The following C3orf20 variants were observed in gnomAD, a reference collection of about 807,000 sequenced individuals.
C3orf20 encodes family with sequence similarity 149 member C.
C3orf20 carries 76 observed loss-of-function variants against 88.3 expected under a neutral mutation model. That is an observed-to-expected ratio of 0.86 (90% confidence interval 0.72 to 1.04). The LOEUF (loss-of-function observed/expected upper bound fraction) is 1.04. C3orf20 is among the 50% of genes least tolerant of loss of function. C3orf20 has a pLI of 0.00. For synonymous variants in C3orf20, 436 were observed against 437.4 expected, an observed-to-expected ratio of 1.00 and a Z score of 0.04; for missense variants, 1,056 against 1,123.3, an observed-to-expected ratio of 0.94 and a Z score of 0.86.
chr3:14,726,593 C>T (rs1364298680), intron 10 of C3orf20, among the ~76,000 whole-genome samples: 2 of 152,266 alleles, frequency 1.3e-5, no homozygotes, highest in Non-Finnish European at 2.9e-5. Flanking sequence ...GGCTCAAACA[C>T]AGCTGTCACT....
rs1482900349 is a variant in C3orf20 at position 14,772,567 on chromosome 3, G to A, written c.2631-224G>A. ...TAACCATGAAATGAATCACACATTC[G>A]GCATGGCGTGGAAATCACATATTTC... On this transcript the variant is annotated intron_variant, in intron 16 of 16. Coordinates refer to ENST00000253697, the MANE Select transcript of C3orf20 (RefSeq NM_032137.5). The surrounding 1 kb of genome is among the most constrained non-coding windows in gnomAD (Gnocchi z 4.2). Among the ~76,000 whole-genome samples, 2 of 152,216 alleles carry A rather than the reference G, an allele frequency of 1.3e-5. No individual in the cohort carries two copies. The highest frequency in any genetic ancestry group is 1.9e-4 in the East Asian group (1 of 5,194).
intron 10 of C3orf20, among the ~76,000 whole-genome samples, chr3:14,725,727 A>G (rs2034323319): frequency 6.6e-6 from 1 of 152,326 alleles, no homozygotes; most frequent in East Asian, 1.9e-4. Flanking sequence ...GAAATCTGAT[A>G]CTGCCCACCC....
intron 14 of C3orf20, among the ~76,000 whole-genome samples, chr3:14,761,219 C>A (rs1489041876): frequency 7.0e-6 from 1 of 143,646 alleles, no homozygotes; most frequent in Non-Finnish European, 1.5e-5. Flanking sequence ...TGAGCCAAAC[C>A]CCTGACCAGG....
At chr3:14,703,086 C>T (rs1166139421) in intron 5 of C3orf20, 44 bp from the exon 6 acceptor site, 1 of 1,607,214 alleles carries the variant, frequency 6.2e-7, no homozygotes, top group Admixed American at 1.7e-5. Context: ...GGTGGGTTCC[C>T]ATGGTCTTGG....
chr3:14,772,688 T>A lies in C3orf20; in HGVS notation c.2631-103T>A. The A allele has an allele frequency of 1.1e-6, 1 of 882,132 alleles. No individual in the cohort carries two copies. The highest frequency in any genetic ancestry group is 1.5e-5 in the South Asian group (1 of 67,956). The allele number at this position is 882,132 out of a possible 1,614,324, so 54.6% of individuals were successfully genotyped here. On this transcript the variant is annotated intron_variant, in intron 16 of 16. Transcript: ENST00000253697. This position sits in a 1 kb window ranked among gnomAD's most constrained non-coding sequence, Gnocchi z 4.2. ...GAACAGCACCCAACAGCCTCACCTG[T>A]GCAAGGGAGAGGGCCTTGCCCCTCC... is the stretch of plus-strand genomic sequence containing the variant.
intron 15 of C3orf20, among the ~76,000 whole-genome samples, chr3:14,762,488 T>C (rs1268188154): frequency 6.6e-6 from 1 of 152,220 alleles, no homozygotes; most frequent in Non-Finnish European, 1.5e-5. Context: ...GGCAGCACGG[T>C]GCAGTGAGAC....
chr3:14,697,423 T>G (rs546286214), intron 5 of C3orf20, among the ~76,000 whole-genome samples: 1 of 152,220 alleles, frequency 6.6e-6, no homozygotes, highest in South Asian at 2.1e-4. Flanking sequence ...AGCTCACTAA[T>G]TCTTTCTTCT....
chr3:14,684,262 A>G lies in C3orf20; in HGVS notation c.505A>G (p.Ile169Val). 1 of 1,614,116 alleles carries G rather than the reference A, an allele frequency of 6.2e-7. No homozygotes were observed. The highest frequency in any genetic ancestry group is 2.2e-5 in the East Asian group (1 of 44,876). ...SMSVGANPLDITRRFVEASQL... is the reference protein window; with the variant it reads ...SMSVGANPLDVTRRFVEASQL... ...TTTAGTGGGTGCCAACCCCTTGGACATCACCAGGCGCTTTGTGGAGGCCAG... is the reference window on the plus strand; with the variant it reads ...TTTAGTGGGTGCCAACCCCTTGGACGTCACCAGGCGCTTTGTGGAGGCCAG... Residue 169 changes from isoleucine (I) to valine (V), a missense_variant, in exon 4 of 17, where the codon ATC becomes GTC. Physicochemically the swap from Ile to Val is conservative, Grantham distance 29. Coordinates refer to ENST00000253697, the MANE Select transcript of C3orf20 (RefSeq NM_032137.5).
At chr3:14,678,851 A>G (rs2031932625) in intron 1 of C3orf20, among the ~76,000 whole-genome samples, 1 of 152,232 alleles carries the variant, frequency 6.6e-6, no homozygotes, top group African/African-American at 2.4e-5. Context: ...GCCATTAAAG[A>G]CAATACATTT....
At chr3:14,716,858 G>A (rs1040788055) in intron 9 of C3orf20, among the ~76,000 whole-genome samples, 22 of 152,190 alleles carry the variant, frequency 1.4e-4, no homozygotes, top group Non-Finnish European at 2.6e-4. Flanking sequence ...TGACTCAGTT[G>A]GTATGTTAGG....
chr3:14,737,754 T>C (rs150518637), intron 12 of C3orf20, among the ~76,000 whole-genome samples: 20 of 152,366 alleles, frequency 1.3e-4, no homozygotes, highest in African/African-American at 4.8e-4. Flanking sequence ...TTGATGCTGT[T>C]TGATAGAATT....
At chr3:14,749,139 G>A (rs776174850) in intron 12 of C3orf20, among the ~76,000 whole-genome samples, 3 of 152,144 alleles carry the variant, frequency 2.0e-5, no homozygotes, top group Admixed American at 1.3e-4. Flanking sequence ...ATTGTTACAT[G>A]TGTATATGTT....
chr3:14,759,859 G>A (rs1314090535), intron 13 of C3orf20, 32 bp from the exon 14 acceptor site: 1 of 1,551,868 alleles, frequency 6.4e-7, no homozygotes, highest in Non-Finnish European at 8.9e-7. Flanking sequence ...TTGGCATGGG[G>A]GTGACCAGTT....
At position 14,721,790 on chromosome 3, in the gene C3orf20, G is replaced by A. The variant is rs754398676; in HGVS notation, c.1566+6G>A. On this transcript the variant is annotated splice_donor_region_variant and intron_variant, in intron 10 of 16. Coordinates refer to ENST00000253697, the MANE Select transcript of C3orf20 (RefSeq NM_032137.5). The stretch of plus-strand genomic sequence containing the variant: ...GAATGGCATATGACAAACGGGTAAG[G>A]CAAGGCAGACTATGCACCCAGCCCT... The A allele has an allele frequency of 1.2e-6, 2 of 1,614,070 alleles. No individual in the cohort carries two copies. The highest frequency in any genetic ancestry group is 1.7e-6 in the Non-Finnish European group (2 of 1,179,962).
rs567559900 is a variant in C3orf20 at position 14,695,670 on chromosome 3, C to T, written c.745+5554C>T. 6.6e-5 allele frequency among the ~76,000 whole-genome samples: 10 copies of T among 152,238 alleles called. No individual in the cohort carries two copies. In the South Asian group the frequency reaches 2.1e-3, roughly 32 times the overall value. ...AATATTTGCTTTATACGTCTGGCTG[C>T]TCCAGTGTTGGGTATATATATATTT... On this transcript the variant is annotated intron_variant, in intron 5 of 16. Transcript: ENST00000253697.
chr3:14,695,061 G>C (rs1037101944), intron 5 of C3orf20, among the ~76,000 whole-genome samples: 3 of 152,150 alleles, frequency 2.0e-5, no homozygotes, highest in African/African-American at 7.2e-5. Flanking sequence ...AAATTGCTGG[G>C]ATTACAGGAG....
In C3orf20 at chr3:14,683,186, A is replaced by G; in HGVS notation, c.473A>G (p.Glu158Gly). The change falls in exon 3 of 17, where the codon GAG becomes GGG. Residue 158 changes from glutamate to glycine, a missense_variant. Coordinates refer to ENST00000253697, the MANE Select transcript of C3orf20 (RefSeq NM_032137.5). Reference sequence around the variant, plus strand: ...AGACTGAAGATGAAGGCCATGGTGGAGTCTATGTCGGGTAAGGCCCAGATG... The same window carrying G: ...AGACTGAAGATGAAGGCCATGGTGGGGTCTATGTCGGGTAAGGCCCAGATG... ...LLRLKMKAMV[E>G]SMSVGANPLD... The G allele has an allele frequency of 1.3e-6, 2 of 1,584,624 alleles. No individual in the cohort carries two copies. Among genetic ancestry groups the G allele is most frequent in the Middle Eastern group, 1.7e-4 (1 of 5,814 alleles).
intron 9 of C3orf20, 34 bp downstream of exon 9, chr3:14,715,443 A>G: frequency 6.3e-7 from 1 of 1,595,238 alleles, no homozygotes; most frequent in Non-Finnish European, 8.5e-7. Flanking sequence ...GGTGGCAGTG[A>G]GCACCACTGT....
chr3:14,750,420 G>A (rs1242065456), intron 12 of C3orf20, among the ~76,000 whole-genome samples: 2 of 152,100 alleles, frequency 1.3e-5, no homozygotes, highest in Non-Finnish European at 2.9e-5. Context: ...GCCAGGAGTA[G>A]TATCACGTGC....
Sources: allele counts gnomAD v4.1 joint callset (sites outside exome capture counted in the v4.1 genomes callset), GRCh38; gene constraint gnomAD v4.1.1; non-coding constraint Gnocchi (gnomAD v3.1); transcripts MANE v1.5; gene names NCBI Gene and HGNC (gene_info 2026-07-23, HGNC 2026-07-21).